APAF1: variants seen among roughly 807,000 people sequenced by gnomAD.
The protein encoded by APAF1 is apoptotic protease-activating factor 1.
APAF1 carries 91 observed loss-of-function variants against 152.4 expected under a neutral mutation model. That is an observed-to-expected ratio of 0.60 (90% CI 0.50 to 0.71). APAF1 has a LOEUF of 0.71. Ranked by LOEUF, APAF1 falls within the 30% of genes least tolerant of loss-of-function variation. The pLI is 0.00. For synonymous variants in APAF1, 484 were observed against 494.1 expected (o/e 0.98, Z 0.27); for missense variants, 1,283 against 1,472.0 (o/e 0.87, Z 2.10).
At chr12:98,649,777 A>G in intron 4 of APAF1, 93 bp downstream of exon 4, 1 of 1,187,408 alleles carries the variant, frequency 8.4e-7, no homozygotes, top group Non-Finnish European at 1.2e-6. Flanking sequence ...GAATGGTAGA[A>G]ACAAGTATAA....
intron 10 of APAF1, among the ~76,000 whole-genome samples, chr12:98,670,502 G>C (rs1476239237): frequency 6.6e-6 from 1 of 151,892 alleles, no homozygotes; most frequent in African/African-American, 2.4e-5. Flanking sequence ...TTGAAGCCCT[G>C]ATCTATCATA....
chr12:98,697,105 T>C (rs748928789), intron 16 of APAF1, among the ~76,000 whole-genome samples: 1 of 152,254 alleles, frequency 6.6e-6, no homozygotes, highest in Non-Finnish European at 1.5e-5. Flanking sequence ...TTTTGTACTT[T>C]AGCTTATGCT....
At chr12:98,650,454 C>G (rs1345101696) in intron 4 of APAF1, among the ~76,000 whole-genome samples, 1 of 151,870 alleles carries the variant, frequency 6.6e-6, no homozygotes, top group African/African-American at 2.4e-5. Flanking sequence ...CCACTGCACT[C>G]CAGCCTGGTC....
intron 3 of APAF1, 148 bp downstream of exon 3, chr12:98,648,963 T>G (rs2097645694): frequency 1.1e-6 from 1 of 869,918 alleles, no homozygotes; most frequent in Non-Finnish European, 1.9e-6. Flanking sequence ...AATTTAAATA[T>G]TTTTTATTTG....
chr12:98,652,853 C>T (rs192296186), intron 4 of APAF1, among the ~76,000 whole-genome samples: 1 of 151,870 alleles, frequency 6.6e-6, no homozygotes, highest in Non-Finnish European at 1.5e-5. Flanking sequence ...CTCGAACTCC[C>T]GACCTCAGGT....
chr12:98,654,362 A>G (rs943668000), intron 4 of APAF1, among the ~76,000 whole-genome samples: 15 of 152,172 alleles, frequency 9.9e-5, no homozygotes, highest in African/African-American at 3.6e-4. Flanking sequence ...TTTACTAGGT[A>G]GCCATATCAG....
chr12:98,693,792 GT>G (rs546014793), intron 16 of APAF1, among the ~76,000 whole-genome samples: 8,248 of 129,746 alleles, frequency 0.064, 252 homozygotes, highest in Middle Eastern at 0.083. Context: ...TTGTTTTTCA[GT>G]TTTTTTTTTT....
At chr12:98,694,743 A>G (rs185617788) in intron 16 of APAF1, among the ~76,000 whole-genome samples, 18 of 152,226 alleles carry the variant, frequency 1.2e-4, no homozygotes, top group African/African-American at 3.4e-4. Context: ...TGGATTTTAG[A>G]CATAGATATA....
At chr12:98,651,041 T>C (rs1192593284) in intron 4 of APAF1, among the ~76,000 whole-genome samples, 1 of 152,230 alleles carries the variant, frequency 6.6e-6, no homozygotes, top group Non-Finnish European at 1.5e-5. Flanking sequence ...TCAGGAGTCA[T>C]ATTGTATAAA....
intron 1 of APAF1, among the ~76,000 whole-genome samples, chr12:98,647,759 A>T (rs1330175334): frequency 6.7e-6 from 1 of 149,234 alleles, no homozygotes; most frequent in African/African-American, 2.5e-5. Flanking sequence ...TTCCATGTCA[A>T]TACATGGAGA....
chr12:98,730,569 ACTT>A (rs2097759290), intron 26 of APAF1, among the ~76,000 whole-genome samples: 1 of 152,202 alleles, frequency 6.6e-6, no homozygotes, highest in South Asian at 2.1e-4. Context: ...GGGTGAAAGA[ACTT>A]CTAGCCTATG....
chr12:98,727,802 G>A (rs1463354606), intron 26 of APAF1, among the ~76,000 whole-genome samples: 1 of 151,682 alleles, frequency 6.6e-6, no homozygotes, highest in South Asian at 2.1e-4. Context: ...ATAGCCGGGC[G>A]TGGTGGCATA....
rs556772225 is a variant in APAF1 at position 98,674,792 on chromosome 12, G to A, written c.1794-2633G>A. Among the ~76,000 whole-genome samples, 8 of 152,206 alleles carry A rather than the reference G, an allele frequency of 5.3e-5. No homozygotes were observed. In the South Asian group the frequency reaches 1.2e-3, roughly 24 times the overall value. Reference sequence around the variant, plus strand: ...AATTAGTGTATATATGTATATAAACGTATAGACATACATATAGTACTTAGA... The same window carrying A: ...AATTAGTGTATATATGTATATAAACATATAGACATACATATAGTACTTAGA... On this transcript the variant is annotated intron_variant, in intron 12 of 26. Coordinates refer to ENST00000551964, the MANE Select transcript of APAF1 (RefSeq NM_181861.2).
chr12:98,715,396 T>G, intron 21 of APAF1, 31 bp from the exon 22 acceptor site: 1 of 1,608,616 alleles, frequency 6.2e-7, no homozygotes, highest in Non-Finnish European at 8.5e-7. Context: ...CTTAGTTTCT[T>G]CTTAATTTTC....
At position 98,725,640 on chromosome 12, in the gene APAF1, C is replaced by G. The variant is rs151098873; in HGVS notation, c.3456+100C>G. On this transcript the variant is annotated intron_variant, in intron 25 of 26. Coordinates refer to ENST00000551964, the MANE Select transcript of APAF1 (RefSeq NM_181861.2). ...GTTCACGGGCCAGGGAAGCATAGTC[C>G]TGAAGTTGTGGTTGGATGAGGCATT... is the stretch of plus-strand genomic sequence containing the variant. 85 of 1,543,960 alleles carry G rather than the reference C, an allele frequency of 5.5e-5. No individual in the cohort carries two copies. In the East Asian group the frequency reaches 1.9e-3, roughly 35 times the overall value.
At chr12:98,671,368 G>A (rs1427406064) in intron 11 of APAF1, among the ~76,000 whole-genome samples, 167 bp from the exon 12 acceptor site, 2 of 152,070 alleles carry the variant, frequency 1.3e-5, no homozygotes, top group African/African-American at 2.4e-5. Flanking sequence ...ATGTTTAAAA[G>A]TCAGAAGAGG....
Position 98,645,597 on chromosome 12 carries a change from CG to C in APAF1, c.-279del, listed in dbSNP as rs1374251979. 6.6e-6 allele frequency: 1 copy of C among 152,334 alleles called. No homozygotes were observed. Among genetic ancestry groups the C allele is most frequent in the Non-Finnish European group, 1.5e-5 (1 of 68,152 alleles). 9.4% of individuals were successfully genotyped at this position (152,334 alleles called of 1,614,324 possible). ...GGCTGCGTTGGGTGGACGCCCACCT[CG>C]CCAACCTTCGGAGGTCCCTGGGGGT... is the stretch of plus-strand genomic sequence containing the variant. On this transcript the variant is annotated 5_prime_UTR_variant, in exon 1 of 27. Coordinates refer to ENST00000551964, the MANE Select transcript of APAF1 (RefSeq NM_181861.2).
At chr12:98,711,099 G>A (rs1301568861) in intron 20 of APAF1, among the ~76,000 whole-genome samples, 1 of 152,168 alleles carries the variant, frequency 6.6e-6, no homozygotes, top group Non-Finnish European at 1.5e-5. Context: ...AGCTCCTAAT[G>A]CACAGTACTT....
chr12:98,671,110 T>G, intron 11 of APAF1, 24 bp downstream of exon 11: 1 of 1,407,142 alleles, frequency 7.1e-7, no homozygotes, highest in Admixed American at 1.7e-5. Context: ...CATGAAAAAT[T>G]AGTGCTAAAA....
Sources: allele counts gnomAD v4.1 joint callset (sites outside exome capture counted in the v4.1 genomes callset), GRCh38; gene constraint gnomAD v4.1.1; transcripts MANE v1.5; gene names NCBI Gene and HGNC (gene_info 2026-07-23, HGNC 2026-07-21).